Variants in YWHAZ observed in about 807,000 individuals in gnomAD.
YWHAZ encodes tyrosine 3-monooxygenase/tryptophan 5-monooxygenase activation protein zeta, also known as 14-3-3 protein zeta/delta.
For synonymous variants in YWHAZ, 87 were observed against 103.6 expected (o/e 0.84, Z 0.97); for missense variants, 79 against 284.8 (o/e 0.28, Z 5.20).
At chr8:100,952,841 CG>C, upstream of YWHAZ, 1 of 1,000,426 alleles carries the variant, frequency 1.0e-6, no homozygotes, top group Non-Finnish European at 1.2e-6. Context: ...CCCGCCGCCG[CG>C]GCTTTACCTG....
intron 2 of YWHAZ, among the ~76,000 whole-genome samples, chr8:100,938,844 T>C (rs1814396814): frequency 6.6e-6 from 1 of 152,358 alleles, no homozygotes; most frequent in Admixed American, 6.5e-5. Context: ...GAAATGCTAA[T>C]GATTAGGAGG....
intron 1 of YWHAZ, chr8:100,951,141 A>C: frequency 1.0e-6 from 1 of 981,614 alleles, no homozygotes; most frequent in Non-Finnish European, 1.2e-6. Context: ...GGAGCCCAGG[A>C]AATTCAGCTC....
chr8:100,927,987 T>C (rs547566005), intron 2 of YWHAZ, among the ~76,000 whole-genome samples: 1 of 151,926 alleles, frequency 6.6e-6, no homozygotes, highest in Admixed American at 6.6e-5. Flanking sequence ...ACCATAAGAG[T>C]TGAGAAAGGT....
intron 2 of YWHAZ, among the ~76,000 whole-genome samples, chr8:100,943,881 G>T (rs1307060187): frequency 6.6e-6 from 1 of 151,836 alleles, no homozygotes; most frequent in Non-Finnish European, 1.5e-5. Flanking sequence ...CAGCTACTCG[G>T]GAGGCTGAGG....
rs188391439 is a variant in YWHAZ at position 100,935,949 on chromosome 8, C to A, written c.295-10910G>T. On this transcript the variant is annotated intron_variant, in intron 2 of 5. Coordinates refer to ENST00000395958, the MANE Select transcript of YWHAZ (RefSeq NM_145690.3). ...TTACATTTCTTTAAATTCAAGATCA[C>A]TTTTTTTCTTAAAAAGTAATCAGAG... is the stretch of plus-strand genomic sequence containing the variant. 7.1e-4 allele frequency among the ~76,000 whole-genome samples: 108 copies of A among 152,280 alleles called. 2 individuals are homozygous for A. The East Asian group carries it at 0.014, about 20-fold the overall frequency.
chr8:100,951,661 AC>A, intron 1 of YWHAZ: 1 of 983,860 alleles, frequency 1.0e-6, no homozygotes, highest in Non-Finnish European at 1.2e-6. Context: ...CGCCCTACCC[AC>A]CCCCGGGGGC....
chr8:100,950,637 C>A, intron 1 of YWHAZ: 1 of 982,306 alleles, frequency 1.0e-6, no homozygotes, highest in Non-Finnish European at 1.2e-6. Context: ...GAGGAGCAGC[C>A]CGCGCCCCCG....
intron 2 of YWHAZ, among the ~76,000 whole-genome samples, chr8:100,942,604 T>C (rs949904168): frequency 3.3e-5 from 5 of 152,216 alleles, no homozygotes; most frequent in Admixed American, 2.6e-4. Context: ...CTTCTGATGC[T>C]GAAAGACAGA....
At chr8:100,936,572 G>A (rs1316632750) in intron 2 of YWHAZ, among the ~76,000 whole-genome samples, 7 of 152,092 alleles carry the variant, frequency 4.6e-5, no homozygotes, top group Admixed American at 1.3e-4. Context: ...AGGCTAAGGC[G>A]GCCAAATCAC....
chr8:100,925,411 A>G (rs934735398), intron 2 of YWHAZ, among the ~76,000 whole-genome samples: 6 of 152,214 alleles, frequency 3.9e-5, no homozygotes, highest in African/African-American at 1.4e-4. Flanking sequence ...TCATGACATG[A>G]AAATAGAAAG....
Position 100,918,192 on chromosome 8 carries a change from A to G in YWHAZ, c.*2501T>C, listed in dbSNP as rs1812780894. The G allele has an allele frequency of 6.6e-6, 1 of 150,576 alleles. No homozygotes were observed. Among genetic ancestry groups the G allele is most frequent in the African/African-American group, 2.4e-5 (1 of 40,836 alleles). The allele number at this position is 150,576 out of a possible 1,614,324, so 9.3% of individuals were successfully genotyped here. On this transcript the variant is annotated 3_prime_UTR_variant, in exon 6 of 6. Coordinates refer to ENST00000395958, the MANE Select transcript of YWHAZ (RefSeq NM_145690.3). ...ACCCTGTCTCTACTAAAAACACAAA[A>G]ATTAGCCAGGTGTGGTGGCGGGCAC...
At chr8:100,951,299 C>A in intron 1 of YWHAZ, 17 of 984,670 alleles carry the variant, frequency 1.7e-5, no homozygotes, top group South Asian at 4.7e-5. Flanking sequence ...TTCCCTCGCG[C>A]TTGGGTCCCC....
In YWHAZ at chr8:100,917,544, C is replaced by CCT. The variant is rs753074916; in HGVS notation, c.*3147_*3148dup. 9.2e-5 allele frequency: 14 copies of CCT among 152,178 alleles called. No individual in the cohort carries two copies. The highest frequency in any genetic ancestry group is 8.5e-4 in the Admixed American group (13 of 15,274). 9.4% of individuals were successfully genotyped at this position (152,178 alleles called of 1,614,324 possible). A position where few individuals can be genotyped will look rare whatever the true frequency, so the allele number is the denominator to read the frequency against. ...ACCATCATGGCTAACACGGTGAAAC[C>CCT]CTCTCTCTACTAAAAATACAAATAA... On this transcript the variant is annotated 3_prime_UTR_variant, in exon 6 of 6. Coordinates refer to ENST00000395958, the MANE Select transcript of YWHAZ (RefSeq NM_145690.3).
At chr8:100,929,947 C>A (rs1309888710) in intron 2 of YWHAZ, among the ~76,000 whole-genome samples, 1 of 152,204 alleles carries the variant, frequency 6.6e-6, no homozygotes, top group African/African-American at 2.4e-5. Context: ...GCAATAACTT[C>A]AGAGAATATC....
At chr8:100,932,430 A>G (rs1425342030) in intron 2 of YWHAZ, among the ~76,000 whole-genome samples, 1 of 152,180 alleles carries the variant, frequency 6.6e-6, no homozygotes, top group Non-Finnish European at 1.5e-5. Context: ...AAATAGGTAC[A>G]TTTTCTAGGA....
At chr8:100,951,438 G>A (rs554880578) in intron 1 of YWHAZ, 15 of 981,200 alleles carry the variant, frequency 1.5e-5, no homozygotes, top group African/African-American at 8.8e-5. Context: ...CGAGGGAGAG[G>A]GGAGGGGGCG....
chr8:100,950,291 CCCCA>C, intron 1 of YWHAZ: 1 of 826,022 alleles, frequency 1.2e-6, no homozygotes, highest in East Asian at 1.2e-4. Flanking sequence ...AGGATTCTCT[CCCCA>C]ATCACTTCGG....
intron 2 of YWHAZ, among the ~76,000 whole-genome samples, chr8:100,946,966 A>G (rs1025073169): frequency 6.6e-6 from 1 of 151,884 alleles, no homozygotes; most frequent in African/African-American, 2.4e-5. Context: ...CAAAATTTAA[A>G]TATTTGGCCG....
At chr8:100,952,439 A>T (rs1403735941), upstream of YWHAZ, 5 of 153,150 alleles carry the variant, frequency 3.3e-5, no homozygotes, top group African/African-American at 1.2e-4. Context: ...TCTTCCTCTC[A>T]GCCGGCGGGA....
Sources: gnomAD v4.1 joint callset for allele counts (sites outside exome capture counted in the v4.1 genomes callset) on GRCh38, gnomAD v4.1.1 for gene constraint, MANE v1.5 for transcripts, NCBI Gene and HGNC (gene_info 2026-07-23, HGNC 2026-07-21) for gene names.